Variants in NAV3 observed in about 807,000 individuals in gnomAD.
NAV3 encodes neuron navigator 3.
NAV3 carries 87 observed loss-of-function variants against 244.7 expected under a neutral mutation model. That is an observed-to-expected ratio of 0.36 (90% CI 0.30 to 0.42). The LOEUF is 0.42. NAV3 is among the 20% of genes least tolerant of loss of function. NAV3 has a pLI of 1.00. For synonymous variants in NAV3, 1,126 were observed against 1,042.2 expected (o/e 1.08, Z -1.55); for missense variants, 2,663 against 2,893.3 (o/e 0.92, Z 1.83).
rs772823406 is a variant in NAV3 at position 78,140,353 on chromosome 12, G to T, written c.4683+19G>T. On this transcript the variant is annotated intron_variant, in intron 20 of 39. Coordinates refer to ENST00000397909, the MANE Select transcript of NAV3 (RefSeq NM_001024383.2). ...CTCTACAGTAAGTAATGGCTGTTAAGAAAAAGCTTGTGCTTTTGCCATGCA... is the reference window on the plus strand; with the variant it reads ...CTCTACAGTAAGTAATGGCTGTTAATAAAAAGCTTGTGCTTTTGCCATGCA... 2 of 1,604,306 alleles carry T rather than the reference G, an allele frequency of 1.2e-6. No individual in the cohort carries two copies. The highest frequency in any genetic ancestry group is 1.7e-6 in the Non-Finnish European group (2 of 1,172,036).
chr12:78,038,032 A>T (rs987959307), intron 9 of NAV3, among the ~76,000 whole-genome samples: 1 of 152,212 alleles, frequency 6.6e-6, no homozygotes, highest in South Asian at 2.1e-4. Context: ...ATGACTATGA[A>T]CTGTTTTCAT....
chr12:78,085,576 A>G (rs1372943446), intron 12 of NAV3, among the ~76,000 whole-genome samples: 1 of 152,160 alleles, frequency 6.6e-6, no homozygotes, highest in Non-Finnish European at 1.5e-5. Flanking sequence ...GTGATTGTGA[A>G]AATGATGAGC....
At chr12:77,738,254 T>G (rs1176406102) in intron 2 of NAV3, among the ~76,000 whole-genome samples, 2 of 152,198 alleles carry the variant, frequency 1.3e-5, no homozygotes, top group Non-Finnish European at 2.9e-5. Context: ...ACTTCACAAA[T>G]TTAATTAATC....
chr12:77,786,086 T>C (rs1870891687), intron 2 of NAV3, among the ~76,000 whole-genome samples: 1 of 152,172 alleles, frequency 6.6e-6, no homozygotes, highest in African/African-American at 2.4e-5. Context: ...GTCTTTCCAG[T>C]AAAAATCCTT....
chr12:77,733,248 T>C (rs1425715997), intron 2 of NAV3, among the ~76,000 whole-genome samples: 1 of 151,832 alleles, frequency 6.6e-6, no homozygotes, highest in Non-Finnish European at 1.5e-5. Flanking sequence ...TAAGATTTAG[T>C]GAAAGATTGG....
chr12:78,141,983 A>G (rs1956634941), intron 20 of NAV3, among the ~76,000 whole-genome samples: 1 of 152,098 alleles, frequency 6.6e-6, no homozygotes, highest in South Asian at 2.1e-4. Context: ...TAAATTAAAA[A>G]GAAAGAAAGA....
chr12:77,596,159 G>C (rs1442863255), intron 2 of NAV3, among the ~76,000 whole-genome samples: 1 of 152,138 alleles, frequency 6.6e-6, no homozygotes, highest in Non-Finnish European at 1.5e-5. Flanking sequence ...TTTCCTCGCT[G>C]TTTGACCTTG....
intron 2 of NAV3, among the ~76,000 whole-genome samples, chr12:77,658,283 C>G (rs1873228949): frequency 1.3e-5 from 2 of 151,778 alleles, no homozygotes; most frequent in Non-Finnish European, 1.5e-5. Flanking sequence ...ACTCAATGTA[C>G]AAAAATCACA....
intron 1 of NAV3, among the ~76,000 whole-genome samples, chr12:77,899,111 G>A (rs1884967408): frequency 6.6e-6 from 1 of 152,300 alleles, no homozygotes; most frequent in South Asian, 2.1e-4. Flanking sequence ...GCTTCTTATG[G>A]AGGAACAAAG....
At chr12:77,622,873 G>T (rs1317106680) in intron 2 of NAV3, among the ~76,000 whole-genome samples, 1 of 152,142 alleles carries the variant, frequency 6.6e-6, no homozygotes, top group Non-Finnish European at 1.5e-5. Context: ...AAACACTATT[G>T]AGACTAGATG....
At chr12:77,929,036 C>A (rs1888511713) in intron 1 of NAV3, among the ~76,000 whole-genome samples, 2 of 152,090 alleles carry the variant, frequency 1.3e-5, no homozygotes, top group African/African-American at 4.8e-5. Context: ...GTGGTGAATT[C>A]TCTGTTTGGG....
chr12:78,166,052 A>G (rs1258927634), intron 23 of NAV3, among the ~76,000 whole-genome samples: 1 of 151,966 alleles, frequency 6.6e-6, no homozygotes, highest in African/African-American at 2.4e-5. Context: ...CACAGACCAG[A>G]ATATTTCAAC....
chr12:77,985,281 TA>T (rs1870295361), intron 5 of NAV3, among the ~76,000 whole-genome samples: 1 of 152,180 alleles, frequency 6.6e-6, no homozygotes, highest in Non-Finnish European at 1.5e-5. Flanking sequence ...TTTCAATGAT[TA>T]ATTAATTGGA....
At chr12:77,992,515 T>G (rs75644612) in intron 5 of NAV3, among the ~76,000 whole-genome samples, 2 of 152,254 alleles carry the variant, frequency 1.3e-5, no homozygotes, top group East Asian at 3.9e-4. Context: ...TATTGAGAGC[T>G]GGAGAATAAA....
intron 2 of NAV3, among the ~76,000 whole-genome samples, chr12:77,813,658 T>G (rs1872399721): frequency 6.6e-6 from 1 of 152,128 alleles, no homozygotes; most frequent in Admixed American, 6.6e-5. Context: ...ATAAAAGGGC[T>G]TAGGGCAAAC....
At chr12:77,976,697 C>G (rs545943956) in intron 5 of NAV3, among the ~76,000 whole-genome samples, 2 of 55,792 alleles carry the variant, frequency 3.6e-5, no homozygotes, top group Non-Finnish European at 6.0e-5. Context: ...TTTTTTGAGA[C>G]GGAGTCTTAC....
intron 12 of NAV3, among the ~76,000 whole-genome samples, chr12:78,092,486 A>ATT (rs1953998816): frequency 1.7e-5 from 1 of 59,122 alleles, no homozygotes; most frequent in African/African-American, 6.1e-5. Flanking sequence ...AGCGTTAGTT[A>ATT]TTTTCTTTTT....
chr12:77,789,534 C>T (rs370351053), intron 2 of NAV3, among the ~76,000 whole-genome samples: 9 of 150,544 alleles, frequency 6.0e-5, no homozygotes, highest in African/African-American at 1.7e-4. Flanking sequence ...GTCAACTGGG[C>T]GCAGTGGCTC....
At chr12:77,902,850 C>A (rs1338154148) in intron 1 of NAV3, among the ~76,000 whole-genome samples, 1 of 152,126 alleles carries the variant, frequency 6.6e-6, no homozygotes, top group Non-Finnish European at 1.5e-5. Context: ...ACACCAATAG[C>A]AGACAAACAG....
Sources: allele counts gnomAD v4.1 joint callset (sites outside exome capture counted in the v4.1 genomes callset), GRCh38; gene constraint gnomAD v4.1.1; transcripts MANE v1.5; gene names NCBI Gene and HGNC (gene_info 2026-07-23, HGNC 2026-07-21).